RPA3: variants seen among roughly 807,000 people sequenced by gnomAD.
RPA3 encodes the protein replication protein A 14 kDa subunit.
Under a neutral mutation model 13.7 loss-of-function variants are expected in RPA3, and 24 were observed. That is an observed-to-expected ratio of 1.75 (90% CI 1.27 to 2.46). The LOEUF (loss-of-function observed/expected upper bound fraction) is 2.46. Ranked by LOEUF, RPA3 falls within the 30% of genes most tolerant of loss-of-function variation. The pLI is 0.00. For synonymous variants in RPA3, 59 were observed against 51.2 expected, an observed-to-expected ratio of 1.15 and a Z score of -0.65; for missense variants, 183 against 151.0, an observed-to-expected ratio of 1.21 and a Z score of -1.11.
rs377198360 is a variant in RPA3, at chr7:7,677,864, G to A, written c.-758+7966C>T. On this transcript the variant is annotated intron_variant, in intron 4 of 7. Transcript: ENST00000223129. ...AATTTTTTGTATTTTTAGTAGAGAC[G>A]GGGTTTCACCGTTTTAGCCGGGATG... Among the ~76,000 whole-genome samples the A allele has an allele frequency of 5.0e-4, 75 of 150,860 alleles. No individual in the cohort carries two copies. In the East Asian group the frequency reaches 0.012, roughly 25 times the overall value.
intron 4 of RPA3, among the ~76,000 whole-genome samples, chr7:7,679,623 A>G (rs1397701815): frequency 1.1e-4 from 6 of 53,520 alleles, no homozygotes; most frequent in African/African-American, 5.2e-4. Flanking sequence ...AGATAAATAT[A>G]TATTTATATA....
At chr7:7,693,636 T>TTTAAATATAAA (rs1475232662) in intron 2 of RPA3, among the ~76,000 whole-genome samples, 1 of 152,164 alleles carries the variant, frequency 6.6e-6, no homozygotes, top group Non-Finnish European at 1.5e-5. Context: ...AAATTGTTTA[T>TTTAAATATAAA]TTAAATTCTA....
chr7:7,680,662 A>G (rs1338522526), intron 4 of RPA3, among the ~76,000 whole-genome samples: 1 of 151,252 alleles, frequency 6.6e-6, no homozygotes, highest in Non-Finnish European at 1.5e-5. Context: ...TGATTCTTCC[A>G]ATCCATAAAT....
chr7:7,671,518 A>C (rs1779605394), intron 4 of RPA3, among the ~76,000 whole-genome samples: 1 of 152,154 alleles, frequency 6.6e-6, no homozygotes, highest in African/African-American at 2.4e-5. Flanking sequence ...AGGCCTTCTC[A>C]GTTTTGTTTT....
At chr7:7,683,549 A>T (rs1247524081) in intron 4 of RPA3, among the ~76,000 whole-genome samples, 1 of 152,216 alleles carries the variant, frequency 6.6e-6, no homozygotes, top group Non-Finnish European at 1.5e-5. Flanking sequence ...ATTTCCTTCA[A>T]TATATTAAAT....
intron 2 of RPA3, among the ~76,000 whole-genome samples, chr7:7,690,170 G>C (rs1249228766): frequency 1.3e-5 from 2 of 152,158 alleles, no homozygotes; most frequent in African/African-American, 4.8e-5. Context: ...CAATTCTGCT[G>C]ATGATAATGT....
intron 4 of RPA3, among the ~76,000 whole-genome samples, chr7:7,675,059 C>CTTGCCATG (rs1039365983): frequency 3.2e-4 from 49 of 152,102 alleles, no homozygotes; most frequent in African/African-American, 1.2e-3. Context: ...GAGATGGGGT[C>CTTGCCATG]TTGCCATGTT....
rs200714078 is a variant in RPA3, at chr7:7,639,133, G to A, written c.111C>T (p.Thr37=). Residue 37 remains threonine, a synonymous_variant, in exon 6 of 8, where the codon ACC becomes ACT. Coordinates refer to ENST00000223129, the MANE Select transcript of RPA3 (RefSeq NM_002947.5). ...CATCTGAAAGAATAAACATTTTTCC[G>A]GTGGGATGAATCTAAAAACGAAACA... ...FVGRLEKIHP[T]GKMFILSDGE... The A allele has an allele frequency of 9.9e-6, 16 of 1,608,212 alleles. No homozygotes were observed. The highest frequency in any genetic ancestry group is 4.5e-5 in the East Asian group (2 of 44,664).
chr7:7,672,163 C>T (rs1400389716), intron 4 of RPA3, among the ~76,000 whole-genome samples: 1 of 152,190 alleles, frequency 6.6e-6, no homozygotes, highest in African/African-American at 2.4e-5. Flanking sequence ...AAAACTAAAA[C>T]TTGGAGCACT....
chr7:7,716,742 G>A (rs1322370901), intron 1 of RPA3, among the ~76,000 whole-genome samples: 1 of 152,178 alleles, frequency 6.6e-6, no homozygotes, highest in Non-Finnish European at 1.5e-5. Context: ...TCAGGAGATC[G>A]AGACCATCCT....
chr7:7,644,534 C>T (rs1320370143), intron 4 of RPA3, among the ~76,000 whole-genome samples: 2 of 152,046 alleles, frequency 1.3e-5, no homozygotes, highest in South Asian at 2.1e-4. Flanking sequence ...TTTAATAGTC[C>T]GTCATCTAGA....
At chr7:7,658,760 G>A (rs1785404537) in intron 4 of RPA3, among the ~76,000 whole-genome samples, 2 of 152,148 alleles carry the variant, frequency 1.3e-5, no homozygotes, top group African/African-American at 2.4e-5. Flanking sequence ...AGGAATGTTG[G>A]CCTGAAATTT....
rs561313406 is a variant in RPA3, at chr7:7,636,969, T to G, written c.*31A>C. ...TTCCTTTAATAGACTTTAATATAGC[T>G]CATTTACAATCGTATGAAAATCCAT... On this transcript the variant is annotated 3_prime_UTR_variant, in exon 8 of 8. Transcript: ENST00000223129. 4 of 1,452,064 alleles carry G rather than the reference T, an allele frequency of 2.8e-6. No homozygotes were observed. In the African/African-American group the frequency reaches 5.6e-5, roughly 20 times the overall value. 89.9% of individuals were successfully genotyped at this position (1,452,064 alleles called of 1,614,324 possible). A position where few individuals can be genotyped will look rare whatever the true frequency, so the allele number is the denominator to read the frequency against.
chr7:7,642,837 TGTTAAGCTTCCTAA>T (rs1435663252), intron 4 of RPA3, among the ~76,000 whole-genome samples: 2 of 152,208 alleles, frequency 1.3e-5, no homozygotes, highest in Non-Finnish European at 2.9e-5. Flanking sequence ...TTGAAATTTG[TGTTAAGCTTCCTAA>T]GCTTTTCTAG....
At chr7:7,709,805 C>T (rs1356797703) in intron 2 of RPA3, among the ~76,000 whole-genome samples, 1 of 151,502 alleles carries the variant, frequency 6.6e-6, no homozygotes, top group South Asian at 2.1e-4. Context: ...ATAATGAGAA[C>T]ATATTCAGAA....
chr7:7,660,373 G>C (rs966402199), intron 4 of RPA3, among the ~76,000 whole-genome samples: 2 of 152,180 alleles, frequency 1.3e-5, no homozygotes, highest in African/African-American at 4.8e-5. Context: ...TTTCCAGTTA[G>C]TTGATGCAGT....
chr7:7,679,899 C>G (rs1041179399), intron 4 of RPA3, among the ~76,000 whole-genome samples: 1 of 151,328 alleles, frequency 6.6e-6, no homozygotes, highest in Non-Finnish European at 1.5e-5. Flanking sequence ...TTATTTTTTC[C>G]TGTTGAGTTG....
intron 4 of RPA3, among the ~76,000 whole-genome samples, chr7:7,680,478 G>A (rs927960343): frequency 6.6e-6 from 1 of 152,010 alleles, no homozygotes; most frequent in South Asian, 2.1e-4. Context: ...AGTGTGATTC[G>A]TCTAATTTTG....
intron 2 of RPA3, among the ~76,000 whole-genome samples, chr7:7,712,730 A>C (rs114536294): frequency 2.0e-5 from 3 of 152,178 alleles, no homozygotes; most frequent in African/African-American, 2.4e-5. Flanking sequence ...GTCAAAGAAA[A>C]CATCTTTTCC....
Sources: allele counts gnomAD v4.1 joint callset (sites outside exome capture counted in the v4.1 genomes callset), GRCh38; gene constraint gnomAD v4.1.1; transcripts MANE v1.5; gene names NCBI Gene and HGNC (gene_info 2026-07-23, HGNC 2026-07-21).